The following TNKS1BP1 variants were observed in gnomAD, a reference collection of about 807,000 sequenced individuals.
TNKS1BP1 encodes CCR4-NOT transcription complex subunit 12, also known as 182 kDa tankyrase-1-binding protein.
A neutral mutation model predicts 141.1 loss-of-function variants in TNKS1BP1; 48 were observed. That is an observed-to-expected ratio of 0.34 (90% CI 0.27 to 0.43). The LOEUF is 0.43. Among genes scored for constraint, TNKS1BP1 ranks in the 20% least tolerant of loss-of-function variants. TNKS1BP1 has a pLI of 1.00. For missense variants in TNKS1BP1, 2,149 were observed against 2,226.0 expected (o/e 0.97, Z 0.70); for synonymous variants, 875 against 898.2 (o/e 0.97, Z 0.46).
At chr11:57,311,296 A>G (rs1855705230) in intron 5 of TNKS1BP1, 1 of 985,824 alleles carries the variant, frequency 1.0e-6, no homozygotes, top group African/African-American at 1.7e-5. Context: ...CTCATCCCTC[A>G]GCGCAGCGTT....
intron 5 of TNKS1BP1, among the ~76,000 whole-genome samples, chr11:57,310,875 C>G (rs1385989063): frequency 6.6e-6 from 1 of 152,248 alleles, no homozygotes; most frequent in African/African-American, 2.4e-5. Flanking sequence ...TTGGGCAATA[C>G]TTGGCTAACA....
At position 57,321,889 on chromosome 11, in the gene TNKS1BP1, A is replaced by T; in HGVS notation, c.-4T>A. Reference sequence around the variant, plus strand: ...CCCTGAGAGTAGACACTTTCATCACATGCGGCAGACCCTCCTTGAGAGCGG... The same window carrying T: ...CCCTGAGAGTAGACACTTTCATCACTTGCGGCAGACCCTCCTTGAGAGCGG... On this transcript the variant is annotated 5_prime_UTR_variant, in exon 2 of 12. The change abolishes an upstream ATG in the 5' untranslated region. Coordinates refer to ENST00000358252, the MANE Select transcript of TNKS1BP1 (RefSeq NM_033396.3). 6.2e-7 allele frequency: 1 copy of T among 1,613,854 alleles called. No homozygotes were observed. The highest frequency in any genetic ancestry group is 8.5e-7 in the Non-Finnish European group (1 of 1,179,864).
At position 57,310,105 on chromosome 11, in the gene TNKS1BP1, T is replaced by C. The variant is rs1855681503; in HGVS notation, c.2606A>G (p.Lys869Arg). The C allele has an allele frequency of 6.2e-7, 1 of 1,614,164 alleles. No individual in the cohort carries two copies. Among genetic ancestry groups the C allele is most frequent in the Non-Finnish European group, 8.5e-7 (1 of 1,180,026 alleles). ...ACTGTAGGTACCCAGTGAATCTCTCTTTCCGAATTCCTGGTCCTGGAGTTC... is the reference window on the plus strand; with the variant it reads ...ACTGTAGGTACCCAGTGAATCTCTCCTTCCGAATTCCTGGTCCTGGAGTTC... ...DAELQDQEFGKRDSLGTYSSR... is the reference protein window; with the variant it reads ...DAELQDQEFGRRDSLGTYSSR... Residue 869 changes from lysine (K) to arginine (R), a missense_variant, in exon 6 of 12, where the codon AAG becomes AGG. Coordinates refer to ENST00000358252, the MANE Select transcript of TNKS1BP1 (RefSeq NM_033396.3).
At chr11:57,306,923 G>GGGGGGGGGGGGA (rs1855622540) in intron 6 of TNKS1BP1, among the ~76,000 whole-genome samples, 1 of 105,016 alleles carries the variant, frequency 9.5e-6, no homozygotes, top group African/African-American at 3.4e-5. Context: ...GGTTGGGTGG[G>GGGGGGGGGGGGA]AGGGGGGCAG....
chr11:57,309,517 T>C lies in TNKS1BP1; in HGVS notation c.3194A>G (p.Gln1065Arg), dbSNP rs1855669715. The C allele has an allele frequency of 3.1e-6, 5 of 1,613,736 alleles. No individual in the cohort carries two copies. The highest frequency in any genetic ancestry group is 4.2e-6 in the Non-Finnish European group (5 of 1,180,032). Residue 1065 changes from glutamine to arginine, a missense_variant, in exon 6 of 12, where the codon CAG becomes CGG. Coordinates refer to ENST00000358252, the MANE Select transcript of TNKS1BP1 (RefSeq NM_033396.3). The surrounding 1 kb of genome is among the most constrained non-coding windows in gnomAD (Gnocchi z 4.3). The part of the protein sequence containing the change: ...QEVGGHQERQ[Q>R]AGAQGPGSAD... ...ACTGCCAGGGCCCTGAGCCCCTGCCTGCTGTCTCTCCTGATGCCCTCCCAC... is the reference window on the plus strand; with the variant it reads ...ACTGCCAGGGCCCTGAGCCCCTGCCCGCTGTCTCTCCTGATGCCCTCCCAC...
Position 57,320,100 on chromosome 11 carries a change from T to C in TNKS1BP1, c.707A>G (p.His236Arg). The change falls in exon 3 of 12, where the codon CAC becomes CGC. Residue 236 changes from histidine to arginine, a missense_variant. By Grantham distance (29) the His-to-Arg change is conservative. Coordinates refer to ENST00000358252, the MANE Select transcript of TNKS1BP1 (RefSeq NM_033396.3). ...VKSPAECREE[H>R]SKTPEERSLP... ...TCACCTCTCCTCAGGGGTCTTGCTGTGCTCTTCCCGGCACTCTGCTGGAGA... is the reference window on the plus strand; with the variant it reads ...TCACCTCTCCTCAGGGGTCTTGCTGCGCTCTTCCCGGCACTCTGCTGGAGA... 5.0e-6 allele frequency: 8 copies of C among 1,611,744 alleles called. No homozygotes were observed. Among genetic ancestry groups the C allele is most frequent in the Non-Finnish European group, 6.8e-6 (8 of 1,178,698 alleles).
chr11:57,306,295 A>AAAGAG (rs60916068), intron 6 of TNKS1BP1, among the ~76,000 whole-genome samples: 3 of 151,038 alleles, frequency 2.0e-5, no homozygotes, highest in East Asian at 1.9e-4. Context: ...CAAAAAAAAA[A>AAAGAG]AGAGAAAGTG....
Position 57,313,432 on chromosome 11 carries a change from CGGA to C in TNKS1BP1, c.1253_1255del (p.Leu418del). ...TCGGCGCTGAACCAGGCTGGTGGGG[CGGA>C]GGTGTGCGTCACCCTTGGCCTCCTC... On this transcript the variant is annotated inframe_deletion, in exon 5 of 12. Coordinates refer to ENST00000358252, the MANE Select transcript of TNKS1BP1 (RefSeq NM_033396.3). 1 of 1,608,460 alleles carries C rather than the reference CGGA, an allele frequency of 6.2e-7. No homozygotes were observed. The highest frequency in any genetic ancestry group is 8.5e-7 in the Non-Finnish European group (1 of 1,176,962).
In TNKS1BP1 at chr11:57,317,907, G is replaced by A. The variant is rs1855822444; in HGVS notation, c.729-20C>T. ...AGGCTCCTGTGAGGGACGAGGACAG[G>A]AAATGGAAGCACGGAATGTTAGAGT... is the stretch of plus-strand genomic sequence containing the variant. On this transcript the variant is annotated intron_variant, in intron 3 of 11. Transcript: ENST00000358252. The A allele has an allele frequency of 1.2e-6, 2 of 1,611,774 alleles. No homozygotes were observed. The highest frequency in any genetic ancestry group is 8.5e-7 in the Non-Finnish European group (1 of 1,178,108).
In TNKS1BP1 at chr11:57,312,930, T is replaced by A; in HGVS notation, c.1758A>T (p.Ala586=). The A allele has an allele frequency of 8.7e-6, 14 of 1,613,322 alleles. No individual in the cohort carries two copies. The highest frequency in any genetic ancestry group is 1.1e-5 in the Non-Finnish European group (13 of 1,179,724). The change falls in exon 5 of 12, where the codon GCA becomes GCT. Residue 586 remains alanine (A), a synonymous_variant. Transcript: ENST00000358252. The stretch of plus-strand genomic sequence containing the variant: ...GCTCCTGCGACTCGTATCTCTCCTC[T>A]GCCTGCTGCAAAGGTAATCCAGGTG... ...EGTPGLPLQQ[A]EERYESQEPL...
At chr11:57,306,916 T>TGCG (rs1855621783) in intron 6 of TNKS1BP1, among the ~76,000 whole-genome samples, 1 of 11,384 alleles carries the variant, frequency 8.8e-5, no homozygotes, top group Admixed American at 1.1e-3. Flanking sequence ...GGGGGGGGGT[T>TGCG]GGGTGGGAGG....
In TNKS1BP1 at chr11:57,309,441, A is replaced by G. The variant is rs1855667939; in HGVS notation, c.3270T>C (p.Phe1090=). The change falls in exon 6 of 12, where the codon TTT becomes TTC. Residue 1090 remains phenylalanine (F), a synonymous_variant. Coordinates refer to ENST00000358252, the MANE Select transcript of TNKS1BP1 (RefSeq NM_033396.3). The surrounding 1 kb of genome is among the most constrained non-coding windows in gnomAD (Gnocchi z 4.3). ...CTCGCTGGGGGCCAACACTGAGGCT[A>G]AACTCACCGACCCAGCCTCGCTTTC... is the stretch of plus-strand genomic sequence containing the variant. ...EMGKRGWVGE[F]SLSVGPQREA... 2.5e-6 allele frequency: 4 copies of G among 1,613,938 alleles called. No individual in the cohort carries two copies. Among genetic ancestry groups the G allele is most frequent in the Non-Finnish European group, 3.4e-6 (4 of 1,180,020 alleles).
Position 57,302,401 on chromosome 11 carries a change from G to A in TNKS1BP1, c.4683+58C>T. ...GACTGCTCAGGGAAGCTCCAGGAAT[G>A]GGGCTCTCGCTGCATCGCCCTCACC... is the stretch of plus-strand genomic sequence containing the variant. On this transcript the variant is annotated intron_variant, in intron 7 of 11. Transcript: ENST00000358252. The surrounding 1 kb of genome is among the most constrained non-coding windows in gnomAD (Gnocchi z 5.5). The A allele has an allele frequency of 6.5e-7, 1 of 1,546,928 alleles. No homozygotes were observed. The highest frequency in any genetic ancestry group is 1.2e-5 in the South Asian group (1 of 81,312).
Position 57,302,468 on chromosome 11 carries a change from G to C in TNKS1BP1, c.4674C>G (p.Ser1558=). 6.3e-7 allele frequency: 1 copy of C among 1,597,082 alleles called. No individual in the cohort carries two copies. Among genetic ancestry groups the C allele is most frequent in the Non-Finnish European group, 8.6e-7 (1 of 1,168,942 alleles). Residue 1558 remains serine (S), a synonymous_variant, in exon 7 of 12, where the codon TCC becomes TCG. Transcript: ENST00000358252. The surrounding 1 kb of genome is among the most constrained non-coding windows in gnomAD (Gnocchi z 5.5). The stretch of plus-strand genomic sequence containing the variant: ...CTCACCCTCCACTGACCTCAATGAA[G>C]GAGAAGTCCTGACTGGGGGATCTGG... ...PPARSPSQDF[S]FIEDTEILDS... is the part of the protein sequence containing the mutation.
At position 57,310,342 on chromosome 11, in the gene TNKS1BP1, C is replaced by T. The variant is rs753467252; in HGVS notation, c.2369G>A (p.Trp790Ter). 1 of 1,614,118 alleles carries T rather than the reference C, an allele frequency of 6.2e-7. No individual in the cohort carries two copies. The highest frequency in any genetic ancestry group is 8.5e-7 in the Non-Finnish European group (1 of 1,180,048). ...QGAGEGSTRE[W>*]ASRCGIGQEE... Reference sequence around the variant, plus strand: ...CTGGCCGATGCCACACCTGCTGGCCCACTCCCTGGTGCTCCCTTCCCCTGC... The same window carrying T: ...CTGGCCGATGCCACACCTGCTGGCCTACTCCCTGGTGCTCCCTTCCCCTGC... The change falls in exon 6 of 12, where the codon TGG becomes TAG. Residue 790 changes from tryptophan to a stop codon, truncating the protein, a stop_gained. Coordinates refer to ENST00000358252, the MANE Select transcript of TNKS1BP1 (RefSeq NM_033396.3). LOFTEE classifies it high-confidence loss of function.
In TNKS1BP1 at chr11:57,309,142, C is replaced by T. The variant is rs200506492; in HGVS notation, c.3569G>A (p.Gly1190Glu). 2.4e-5 allele frequency: 38 copies of T among 1,614,208 alleles called. No individual in the cohort carries two copies. The highest frequency in any genetic ancestry group is 3.1e-5 in the Non-Finnish European group (36 of 1,180,038). The change falls in exon 6 of 12, where the codon GGA (glycine) becomes GAA (glutamate). Residue 1190 changes from glycine to glutamate, a missense_variant. By Grantham distance (98) the Gly-to-Glu change is moderately conservative. Coordinates refer to ENST00000358252, the MANE Select transcript of TNKS1BP1 (RefSeq NM_033396.3). This position sits in a 1 kb window ranked among gnomAD's most constrained non-coding sequence, Gnocchi z 4.3. Reference sequence around the variant, plus strand: ...CAGGCCACCTGACCAGCCCATCTGTCCCACGGCACTCTCCCTGGCCTCGCT... The same window carrying T: ...CAGGCCACCTGACCAGCCCATCTGTTCCACGGCACTCTCCCTGGCCTCGCT... ...GSSEARESAVGQMGWSGGLSL... is the reference protein window; with the variant it reads ...GSSEARESAVEQMGWSGGLSL...
chr11:57,309,709 T>A lies in TNKS1BP1; in HGVS notation c.3002A>T (p.Lys1001Met), dbSNP rs956858507. 2.5e-6 allele frequency: 4 copies of A among 1,613,926 alleles called. No individual in the cohort carries two copies. Among genetic ancestry groups the A allele is most frequent in the South Asian group, 2.2e-5 (2 of 91,062 alleles). ...AAGGCTGTCTTCCACACTTGGAATC[T>A]TCTTCTCAAATTCCTCATCCTGTTG... ...AQQQDEEFEKKIPSVEDSLGE... is the reference protein window; with the variant it reads ...AQQQDEEFEKMIPSVEDSLGE... Residue 1001 changes from lysine to methionine, a missense_variant, in exon 6 of 12, where the codon AAG (lysine) becomes ATG (methionine). Physicochemically the swap from Lys to Met is moderately conservative, Grantham distance 95. Coordinates refer to ENST00000358252, the MANE Select transcript of TNKS1BP1 (RefSeq NM_033396.3). The surrounding 1 kb of genome is among the most constrained non-coding windows in gnomAD (Gnocchi z 4.3).
In TNKS1BP1 at chr11:57,302,005, A is replaced by G; in HGVS notation, c.4835-62T>C. Reference sequence around the variant, plus strand: ...CACACCCAGACTCCCCGAACCCATAACCCCTGCAAAAGCTTGGCCTAATGC... The same window carrying G: ...CACACCCAGACTCCCCGAACCCATAGCCCCTGCAAAAGCTTGGCCTAATGC... On this transcript the variant is annotated intron_variant, in intron 8 of 11. Coordinates refer to ENST00000358252, the MANE Select transcript of TNKS1BP1 (RefSeq NM_033396.3). The surrounding 1 kb of genome is among the most constrained non-coding windows in gnomAD (Gnocchi z 5.5). 1 of 1,605,504 alleles carries G rather than the reference A, an allele frequency of 6.2e-7. No individual in the cohort carries two copies. The highest frequency in any genetic ancestry group is 8.5e-7 in the Non-Finnish European group (1 of 1,173,286).
intron 9 of TNKS1BP1, 129 bp downstream of exon 9, chr11:57,301,678 G>C (rs1053885393): frequency 7.7e-7 from 1 of 1,295,200 alleles, no homozygotes; most frequent in African/African-American, 1.5e-5. Context: ...TCGATGGAGA[G>C]GAGAGTGAGA....
Sources: gnomAD v4.1 joint callset for allele counts (sites outside exome capture counted in the v4.1 genomes callset) on GRCh38, gnomAD v4.1.1 for gene constraint, Gnocchi (gnomAD v3.1) non-coding constraint, MANE v1.5 for transcripts, NCBI Gene and HGNC (gene_info 2026-07-23, HGNC 2026-07-21) for gene names.